FMN1: variants seen among roughly 807,000 people sequenced by gnomAD.
FMN1 encodes the protein formin-1.
FMN1 carries 110 observed loss-of-function variants against 132.4 expected under a neutral mutation model. The ratio of observed to expected loss-of-function variants is 0.83; its 90% confidence interval spans 0.71 to 0.97. The LOEUF (loss-of-function observed/expected upper bound fraction) is 0.97, where lower values mean the gene tolerates loss of function less well. FMN1 is among the 50% of genes least tolerant of loss of function. The pLI is 0.00. For missense variants in FMN1, 1,792 were observed against 1,705.3 expected (o/e 1.05, Z -0.90); for synonymous variants, 722 against 651.7 (o/e 1.11, Z -1.64).
chr15:32,981,976 CAAAT>C (rs143872388), intron 7 of FMN1, among the ~76,000 whole-genome samples: 2,091 of 151,998 alleles, frequency 0.014, 42 homozygotes, highest in African/African-American at 0.048. Flanking sequence ...TGTTGGAAAA[CAAAT>C]AACGGACACA....
intron 17 of FMN1, among the ~76,000 whole-genome samples, chr15:32,820,724 C>A (rs941466042): frequency 7.2e-5 from 11 of 152,178 alleles, no homozygotes; most frequent in African/African-American, 2.4e-4. Context: ...TAATTTAATA[C>A]TACGAAGGGC....
chr15:32,813,964 C>T (rs972188595), intron 17 of FMN1, among the ~76,000 whole-genome samples: 1 of 152,182 alleles, frequency 6.6e-6, no homozygotes, highest in Non-Finnish European at 1.5e-5. Context: ...TGAAGCTGCA[C>T]TGTACTACAC....
At chr15:32,973,604 A>G (rs757540276) in intron 7 of FMN1, among the ~76,000 whole-genome samples, 2 of 148,362 alleles carry the variant, frequency 1.3e-5, no homozygotes, top group Non-Finnish European at 3.0e-5. Flanking sequence ...CTTGTCTTTG[A>G]CCTTTCCTGT....
At chr15:32,820,862 T>A (rs2058193418) in intron 17 of FMN1, among the ~76,000 whole-genome samples, 1 of 152,158 alleles carries the variant, frequency 6.6e-6, no homozygotes, top group Non-Finnish European at 1.5e-5. Context: ...GTTTACAACG[T>A]TTATCATTTT....
At chr15:33,146,817 A>G (rs1018522879) in intron 4 of FMN1, among the ~76,000 whole-genome samples, 1 of 152,208 alleles carries the variant, frequency 6.6e-6, no homozygotes, top group Non-Finnish European at 1.5e-5. Context: ...ACAGCTATCA[A>G]GAGGAAGGGG....
At chr15:32,831,572 G>A (rs1190930069) in intron 17 of FMN1, among the ~76,000 whole-genome samples, 1 of 152,066 alleles carries the variant, frequency 6.6e-6, no homozygotes, top group Non-Finnish European at 1.5e-5. Flanking sequence ...TGTGGGGTGG[G>A]GAGGTTGGTA....
intron 16 of FMN1, among the ~76,000 whole-genome samples, chr15:32,882,998 G>A (rs144633939): frequency 3.3e-5 from 5 of 152,354 alleles, no homozygotes; most frequent in African/African-American, 9.6e-5. Flanking sequence ...GGATGGTGAC[G>A]AGGCAAACTT....
intron 4 of FMN1, among the ~76,000 whole-genome samples, chr15:33,141,058 T>A (rs2444964): frequency 0.37 from 56,879 of 152,062 alleles, 11,077 homozygotes; most frequent in East Asian, 0.66. Context: ...TGTTGGATGC[T>A]AATTATCAGT....
intron 18 of FMN1, 27 bp from the exon 19 acceptor site, chr15:32,798,980 A>G: frequency 6.2e-7 from 1 of 1,609,748 alleles, no homozygotes; most frequent in Non-Finnish European, 8.5e-7. Flanking sequence ...GGAAAATGGA[A>G]TGAGGTAGAG....
intron 7 of FMN1, among the ~76,000 whole-genome samples, chr15:32,998,481 C>T (rs774670774): frequency 3.3e-5 from 5 of 152,146 alleles, no homozygotes; most frequent in Admixed American, 1.3e-4. Flanking sequence ...TACTCCAATG[C>T]TTTTACTTTA....
chr15:32,797,637 G>T (rs940346865), intron 19 of FMN1, among the ~76,000 whole-genome samples: 1 of 152,026 alleles, frequency 6.6e-6, no homozygotes, highest in Non-Finnish European at 1.5e-5. Flanking sequence ...GATATATTCA[G>T]TTTAATTCCC....
At chr15:32,844,756 A>T (rs1180969835) in intron 17 of FMN1, among the ~76,000 whole-genome samples, 1 of 152,212 alleles carries the variant, frequency 6.6e-6, no homozygotes, top group Non-Finnish European at 1.5e-5. Context: ...AACCACTGCT[A>T]TTCGCACCAT....
At chr15:32,990,596 T>C (rs989397665) in intron 7 of FMN1, among the ~76,000 whole-genome samples, 1 of 152,112 alleles carries the variant, frequency 6.6e-6, no homozygotes, top group African/African-American at 2.4e-5. Flanking sequence ...ATGTAAAGGA[T>C]AGCTGAATTT....
chr15:32,840,958 TTTG>T (rs1394459043), intron 17 of FMN1, among the ~76,000 whole-genome samples: 3 of 151,962 alleles, frequency 2.0e-5, no homozygotes, highest in African/African-American at 7.3e-5. Context: ...AGTACAAGAG[TTTG>T]TATTACACAG....
At chr15:32,963,647 T>C (rs2030857866) in intron 9 of FMN1, among the ~76,000 whole-genome samples, 1 of 152,184 alleles carries the variant, frequency 6.6e-6, no homozygotes. Flanking sequence ...CCCTAGGAAA[T>C]ACTTGTTAAA....
intron 4 of FMN1, among the ~76,000 whole-genome samples, chr15:33,093,344 T>G (rs1443695127): frequency 1.3e-5 from 2 of 152,220 alleles, no homozygotes; most frequent in Non-Finnish European, 2.9e-5. Flanking sequence ...AGACATATCT[T>G]CCATTATGTT....
intron 16 of FMN1, among the ~76,000 whole-genome samples, chr15:32,862,873 T>C (rs1012373380): frequency 6.6e-6 from 1 of 152,176 alleles, no homozygotes; most frequent in African/African-American, 2.4e-5. Context: ...TTCTCTCTTC[T>C]TCCCTGTCTG....
chr15:32,976,655 A>C (rs2032228776), intron 7 of FMN1, among the ~76,000 whole-genome samples: 2 of 152,242 alleles, frequency 1.3e-5, no homozygotes. Context: ...TAGAAACATG[A>C]GGCACATTTG....
At chr15:32,823,152 GTTTT>G (rs373185751) in intron 17 of FMN1, among the ~76,000 whole-genome samples, 7 of 86,212 alleles carry the variant, frequency 8.1e-5, no homozygotes, top group African/African-American at 2.7e-4. Context: ...AGTTTCTACT[GTTTT>G]TTTTTTTTTT....
Sources: gnomAD v4.1 joint callset for allele counts (sites outside exome capture counted in the v4.1 genomes callset) on GRCh38, gnomAD v4.1.1 for gene constraint, MANE v1.5 for transcripts, NCBI Gene and HGNC (gene_info 2026-07-23, HGNC 2026-07-21) for gene names.